Variants in SDHB observed in about 807,000 individuals in gnomAD.
The protein encoded by SDHB is succinate dehydrogenase [ubiquinone] iron-sulfur subunit, mitochondrial.
A neutral mutation model predicts 39.7 loss-of-function variants in SDHB; 21 were observed. That is an observed-to-expected ratio of 0.53 (90% CI 0.37 to 0.76). The LOEUF is 0.76. SDHB is among the 30% of genes least tolerant of loss of function. SDHB has a pLI of 0.00. For missense variants in SDHB, 343 were observed against 350.9 expected (o/e 0.98, Z 0.18); for synonymous variants, 118 against 117.0 (o/e 1.01, Z -0.06).
intron 7 of SDHB, among the ~76,000 whole-genome samples, chr1:17,020,860 C>T (rs566079103): frequency 6.6e-6 from 1 of 152,266 alleles, no homozygotes; most frequent in Admixed American, 6.5e-5. Context: ...GCTCCCCCAG[C>T]GAGGCCACTG....
At chr1:17,051,915 CA>C (rs2078150323) in intron 1 of SDHB, among the ~76,000 whole-genome samples, 2 of 151,346 alleles carry the variant, frequency 1.3e-5, no homozygotes, top group African/African-American at 4.9e-5. Flanking sequence ...GATTTCAGCT[CA>C]CTGCACCCTC....
chr1:17,037,555 C>A (rs1376020529), intron 2 of SDHB, among the ~76,000 whole-genome samples: 1 of 152,080 alleles, frequency 6.6e-6, no homozygotes, highest in East Asian at 1.9e-4. Context: ...CACCTAGGTT[C>A]AAGCAATTCT....
In SDHB at chr1:17,026,948, A is replaced by G. The variant is rs372517306; in HGVS notation, c.540+801T>C. Among the ~76,000 whole-genome samples, 13 of 152,202 alleles carry G rather than the reference A, an allele frequency of 8.5e-5. No individual in the cohort carries two copies. In the South Asian group the frequency reaches 1.2e-3, roughly 15 times the overall value. On this transcript the variant is annotated intron_variant, in intron 5 of 7. Transcript: ENST00000375499. Reference sequence around the variant, plus strand: ...ATCTGGCCTTTTAAAAAATTTATATATATTTTTACAGTATTTACATAACTA... The same window carrying G: ...ATCTGGCCTTTTAAAAAATTTATATGTATTTTTACAGTATTTACATAACTA...
intron 2 of SDHB, among the ~76,000 whole-genome samples, chr1:17,036,508 T>C (rs2078050819): frequency 6.6e-6 from 1 of 151,880 alleles, no homozygotes; most frequent in Non-Finnish European, 1.5e-5. Context: ...GGGTTTTGTC[T>C]TATTGCCCAT....
At chr1:17,029,100 T>TTTTTTG (rs1366120636) in intron 3 of SDHB, among the ~76,000 whole-genome samples, 5 of 139,744 alleles carry the variant, frequency 3.6e-5, no homozygotes, top group African/African-American at 1.3e-4. Context: ...CCTGTTTTTT[T>TTTTTTG]TTTTTTTTTT....
chr1:17,032,690 C>G, intron 3 of SDHB: 1 of 336,062 alleles, frequency 3.0e-6, no homozygotes, highest in Non-Finnish European at 5.8e-6. Context: ...ACACATCTCC[C>G]CTGCTGGACA....
At chr1:17,026,063 AC>A (rs1019695549) in intron 5 of SDHB, among the ~76,000 whole-genome samples, 104 of 152,328 alleles carry the variant, frequency 6.8e-4, no homozygotes, top group African/African-American at 2.5e-3. Flanking sequence ...TATCTAGAAA[AC>A]CAAACATGCT....
At chr1:17,048,408 G>A (rs545127034) in intron 1 of SDHB, among the ~76,000 whole-genome samples, 1 of 152,292 alleles carries the variant, frequency 6.6e-6, no homozygotes, top group Non-Finnish European at 1.5e-5. Context: ...CATTGGGGGT[G>A]TTCTAATTTT....
At chr1:17,036,616 C>T (rs2078051321) in intron 2 of SDHB, among the ~76,000 whole-genome samples, 1 of 149,936 alleles carries the variant, frequency 6.7e-6, no homozygotes, top group Admixed American at 6.7e-5. Flanking sequence ...TATAGAAATC[C>T]AATTTTTGTT....
intron 2 of SDHB, among the ~76,000 whole-genome samples, chr1:17,043,877 G>T (rs546899744): frequency 1.3e-5 from 2 of 152,128 alleles, no homozygotes; most frequent in African/African-American, 2.4e-5. Context: ...CACCAATAGC[G>T]CAAATGAGCA....
intron 1 of SDHB, among the ~76,000 whole-genome samples, chr1:17,046,963 T>C (rs1339125299): frequency 1.3e-5 from 2 of 152,220 alleles, no homozygotes; most frequent in Non-Finnish European, 2.9e-5. Flanking sequence ...GTGATCTGCC[T>C]GCCTTGGCCT....
intron 2 of SDHB, 91 bp downstream of exon 2, chr1:17,044,670 G>A: frequency 6.8e-7 from 1 of 1,468,158 alleles, no homozygotes. Flanking sequence ...GATGATCTCA[G>A]ATTTTTAAGC....
intron 1 of SDHB, among the ~76,000 whole-genome samples, chr1:17,045,412 G>A (rs369121601): frequency 8.0e-4 from 122 of 152,160 alleles, no homozygotes; most frequent in African/African-American, 2.9e-3. Flanking sequence ...CCATGAGTTT[G>A]AGAGCAGTCT....
chr1:17,037,856 G>A (rs1378152349), intron 2 of SDHB, among the ~76,000 whole-genome samples: 2 of 151,860 alleles, frequency 1.3e-5, no homozygotes, highest in South Asian at 4.2e-4. Flanking sequence ...CCTGCTTCAG[G>A]CCAGGCACAG....
intron 1 of SDHB, chr1:17,052,285 T>TAA (rs983863886): frequency 6.6e-6 from 1 of 152,234 alleles, no homozygotes; most frequent in Non-Finnish European, 1.5e-5. Context: ...GGTCAGACTA[T>TAA]AAGCATAAAA....
chr1:17,027,890 A>G (rs1325609662), intron 4 of SDHB, 25 bp from the exon 5 acceptor site: 1 of 1,336,370 alleles, frequency 7.5e-7, no homozygotes, highest in Non-Finnish European at 1.1e-6. Flanking sequence ...AAGAAGAAGA[A>G]GAAGAAGAAG....
intron 5 of SDHB, among the ~76,000 whole-genome samples, chr1:17,024,305 C>T (rs1404492479): frequency 1.3e-5 from 2 of 152,216 alleles, no homozygotes; most frequent in Non-Finnish European, 2.9e-5. Flanking sequence ...GTATAGTGCA[C>T]TTTCCCTTTA....
intron 7 of SDHB, among the ~76,000 whole-genome samples, chr1:17,020,055 T>C (rs2077952244): frequency 6.6e-6 from 1 of 152,212 alleles, no homozygotes; most frequent in Non-Finnish European, 1.5e-5. Context: ...AGAGGACACA[T>C]ATGCATTTGT....
At chr1:17,052,742 T>C (rs1286481448) in intron 1 of SDHB, among the ~76,000 whole-genome samples, 2 of 152,148 alleles carry the variant, frequency 1.3e-5, no homozygotes, top group African/African-American at 4.8e-5. Context: ...GCATGCTGGA[T>C]AGAACCAGGA....
Sources: gnomAD v4.1 joint callset for allele counts (sites outside exome capture counted in the v4.1 genomes callset) on GRCh38, gnomAD v4.1.1 for gene constraint, MANE v1.5 for transcripts, NCBI Gene and HGNC (gene_info 2026-07-23, HGNC 2026-07-21) for gene names.